Variants in LRMDA observed in about 807,000 individuals in gnomAD.
LRMDA encodes leucine-rich melanocyte differentiation-associated protein.
LRMDA carries 18 observed loss-of-function variants against 29.8 expected under a neutral mutation model. The observed-to-expected ratio is 0.60, with a 90% CI of 0.42 to 0.90. LRMDA has a LOEUF of 0.90. Ranked by LOEUF, LRMDA falls within the 40% of genes least tolerant of loss-of-function variation. The pLI is 0.00. For missense variants in LRMDA, 273 were observed against 273.9 expected, an observed-to-expected ratio of 1.00 and a Z score of 0.02; for synonymous variants, 125 against 109.4, an observed-to-expected ratio of 1.14 and a Z score of -0.89.
intron 4 of LRMDA, among the ~76,000 whole-genome samples, chr10:76,051,231 C>T (rs1848526797): frequency 6.6e-6 from 1 of 152,202 alleles, no homozygotes; most frequent in African/African-American, 2.4e-5. Context: ...AGCTAATCTA[C>T]AATCTGGGCT....
At chr10:76,028,446 T>C (rs1246875071) in intron 2 of LRMDA, among the ~76,000 whole-genome samples, 1 of 152,162 alleles carries the variant, frequency 6.6e-6, no homozygotes, top group Non-Finnish European at 1.5e-5. Flanking sequence ...TTTTGGATAG[T>C]TGAACTTTAT....
intron 2 of LRMDA, among the ~76,000 whole-genome samples, chr10:75,889,709 A>G (rs986448308): frequency 6.6e-6 from 1 of 152,314 alleles, no homozygotes; most frequent in Middle Eastern, 3.4e-3. Flanking sequence ...GCAGCTCTTG[A>G]AGTCACTCAG....
At chr10:75,583,589 G>A (rs143661931) in intron 2 of LRMDA, among the ~76,000 whole-genome samples, 5 of 152,152 alleles carry the variant, frequency 3.3e-5, no homozygotes, top group African/African-American at 1.2e-4. Flanking sequence ...CCAGTATTGG[G>A]GATTACAATT....
intron 2 of LRMDA, among the ~76,000 whole-genome samples, chr10:75,740,289 C>T (rs1023894463): frequency 1.9e-4 from 29 of 152,174 alleles, no homozygotes; most frequent in Non-Finnish European, 2.5e-4. Flanking sequence ...TGAGGGGCAG[C>T]GGCCTGGCAG....
At chr10:76,201,875 G>T (rs190011191) in intron 5 of LRMDA, among the ~76,000 whole-genome samples, 1 of 152,118 alleles carries the variant, frequency 6.6e-6, no homozygotes, top group South Asian at 2.1e-4. Context: ...GTGCAGATTG[G>T]CAGTTTGGAC....
chr10:76,317,565 T>A (rs1396355683), intron 5 of LRMDA, among the ~76,000 whole-genome samples: 1 of 152,206 alleles, frequency 6.6e-6, no homozygotes, highest in East Asian at 1.9e-4. Context: ...ATCACATTGC[T>A]AGCAAAAATT....
chr10:76,157,496 C>A (rs531543575), intron 5 of LRMDA, among the ~76,000 whole-genome samples: 1 of 152,116 alleles, frequency 6.6e-6, no homozygotes, highest in African/African-American at 2.4e-5. Flanking sequence ...CACCTATAGT[C>A]TCAGCTACTC....
rs961882211 is a variant in LRMDA at position 75,819,521 on chromosome 10, C to T, written c.132-216487C>T. On this transcript the variant is annotated intron_variant, in intron 2 of 6. Coordinates refer to ENST00000611255, the MANE Select transcript of LRMDA (RefSeq NM_001305581.2). ...TCTCCTCAGATACCTTTAAAATTGC[C>T]TTACCTTTTTTTGACTATGATAAAA... 3.7e-4 allele frequency among the ~76,000 whole-genome samples: 56 copies of T among 152,094 alleles called. 1 individual carries two copies. Among genetic ancestry groups the T allele is most frequent in the African/African-American group, 1.2e-3 (51 of 41,392 alleles).
intron 2 of LRMDA, among the ~76,000 whole-genome samples, chr10:75,641,586 C>T (rs551194000): frequency 1.4e-3 from 210 of 152,156 alleles, no homozygotes; most frequent in Non-Finnish European, 2.1e-3. Context: ...CAGCCTCGAC[C>T]TCCTGAGGCT....
intron 2 of LRMDA, among the ~76,000 whole-genome samples, chr10:75,833,791 A>G (rs529231586): frequency 6.6e-6 from 1 of 152,304 alleles, no homozygotes; most frequent in South Asian, 2.1e-4. Context: ...TCTGCCCCCA[A>G]AATACAGTGA....
chr10:75,435,278 T>C (rs1038779748), intron 1 of LRMDA, among the ~76,000 whole-genome samples: 2 of 152,240 alleles, frequency 1.3e-5, no homozygotes, highest in African/African-American at 4.8e-5. Flanking sequence ...CTATTTTTGG[T>C]TTGGCTCTTC....
intron 6 of LRMDA, among the ~76,000 whole-genome samples, chr10:76,538,633 G>C (rs1843319278): frequency 6.6e-6 from 1 of 151,038 alleles, no homozygotes; most frequent in South Asian, 2.1e-4. Flanking sequence ...CTTGAAAGGA[G>C]TAATTATTAA....
intron 5 of LRMDA, among the ~76,000 whole-genome samples, chr10:76,109,035 T>G (rs1023491002): frequency 6.6e-6 from 1 of 152,150 alleles, no homozygotes. Flanking sequence ...ATGCCATTTC[T>G]CCTCACTCAC....
intron 5 of LRMDA, among the ~76,000 whole-genome samples, chr10:76,276,006 AATCTATCTATCTATCTATCTATCTATCT>A (rs3066426): frequency 8.9e-5 from 13 of 146,724 alleles, no homozygotes; most frequent in African/African-American, 2.6e-4. Context: ...CAATCTAGTG[AATCTATCTATCTATCTATCTATCTATCT>A]ATCTATCTAT....
At chr10:76,493,975 T>C (rs1425433278) in intron 6 of LRMDA, among the ~76,000 whole-genome samples, 1 of 152,082 alleles carries the variant, frequency 6.6e-6, no homozygotes, top group Non-Finnish European at 1.5e-5. Flanking sequence ...TGACAGTTTA[T>C]TGCTTTTATA....
At chr10:76,236,298 T>G (rs1435801185) in intron 5 of LRMDA, among the ~76,000 whole-genome samples, 2 of 152,224 alleles carry the variant, frequency 1.3e-5, no homozygotes, top group East Asian at 3.8e-4. Flanking sequence ...CACCAGATCC[T>G]GACTATTTGC....
At chr10:75,632,793 T>TG (rs1841342471) in intron 2 of LRMDA, among the ~76,000 whole-genome samples, 1 of 137,220 alleles carries the variant, frequency 7.3e-6, no homozygotes, top group Non-Finnish European at 1.6e-5. Flanking sequence ...TTTTTTTTTT[T>TG]TTTTTTTTTT....
At chr10:76,379,818 T>C (rs1484297667) in intron 6 of LRMDA, among the ~76,000 whole-genome samples, 1 of 152,208 alleles carries the variant, frequency 6.6e-6, no homozygotes, top group Non-Finnish European at 1.5e-5. Flanking sequence ...TGTTAATTTT[T>C]GATCTATCTT....
intron 1 of LRMDA, 32 bp downstream of exon 1, chr10:75,431,786 G>T: frequency 1.5e-6 from 2 of 1,342,748 alleles, no homozygotes; most frequent in Non-Finnish European, 1.9e-6. Context: ...CTCCGCCCGG[G>T]GCGCAGTCCG....
Sources: gnomAD v4.1 joint callset for allele counts (sites outside exome capture counted in the v4.1 genomes callset) on GRCh38, gnomAD v4.1.1 for gene constraint, MANE v1.5 for transcripts, NCBI Gene and HGNC (gene_info 2026-07-23, HGNC 2026-07-21) for gene names.